Variants in MOXD1 observed in about 807,000 individuals in gnomAD.
MOXD1 encodes the protein DBH-like monooxygenase protein 1.
A neutral mutation model predicts 66.6 loss-of-function variants in MOXD1; 62 were observed. The ratio of observed to expected loss-of-function variants is 0.93; its 90% CI spans 0.76 to 1.15. The LOEUF is 1.15. MOXD1 is among the 50% of genes most tolerant of loss of function. The pLI is 0.00. For missense variants in MOXD1, 847 were observed against 754.6 expected (o/e 1.12, Z -1.44); for synonymous variants, 303 against 281.9 (o/e 1.07, Z -0.75).
At chr6:132,391,225 C>G (rs1776753997) in intron 1 of MOXD1, 1 of 149,232 alleles carries the variant, frequency 6.7e-6, no homozygotes, top group Non-Finnish European at 1.5e-5. Flanking sequence ...ATATTTAGCT[C>G]ATAAAAGAAA....
At chr6:132,384,399 T>G (rs1269970853) in intron 1 of MOXD1, among the ~76,000 whole-genome samples, 1 of 152,126 alleles carries the variant, frequency 6.6e-6, no homozygotes, top group Non-Finnish European at 1.5e-5. Flanking sequence ...TCAGACCTTA[T>G]GTAGGGTTGA....
rs1444477169 is a variant in MOXD1, at chr6:132,328,459, G to A, written c.799C>T (p.Leu267Phe). ...CYHPNMPDAF[L>F]TCETVIFAWA... Reference sequence around the variant, plus strand: ...GCAAAAATCACAGTTTCACAGGTGAGGAATGCATCGGGCATGTTGGGGTGA... The same window carrying A: ...GCAAAAATCACAGTTTCACAGGTGAAGAATGCATCGGGCATGTTGGGGTGA... Residue 267 changes from leucine (L) to phenylalanine (F), a missense_variant, in exon 5 of 12, where the codon CTC becomes TTC. Leu to Phe is a conservative substitution (Grantham distance 22). Transcript: ENST00000367963. 1.2e-6 allele frequency: 2 copies of A among 1,613,528 alleles called. No homozygotes were observed. The highest frequency in any genetic ancestry group is 1.3e-5 in the African/African-American group (1 of 75,002).
At chr6:132,360,265 A>G (rs2114640503) in intron 4 of MOXD1, among the ~76,000 whole-genome samples, 1 of 152,310 alleles carries the variant, frequency 6.6e-6, no homozygotes, top group South Asian at 2.1e-4. Flanking sequence ...TTTTAAATAG[A>G]TCATCTTCCC....
intron 4 of MOXD1, among the ~76,000 whole-genome samples, chr6:132,344,916 G>A (rs997930834): frequency 6.6e-6 from 1 of 152,090 alleles, no homozygotes; most frequent in Non-Finnish European, 1.5e-5. Context: ...AGTTGTCCAA[G>A]TAATCTCATT....
chr6:132,397,361 T>C (rs1776908747), intron 1 of MOXD1, among the ~76,000 whole-genome samples: 1 of 152,256 alleles, frequency 6.6e-6, no homozygotes, highest in East Asian at 1.9e-4. Context: ...CTGGACCCAT[T>C]TCCTGGCATA....
At chr6:132,364,338 A>C (rs111433961) in intron 4 of MOXD1, among the ~76,000 whole-genome samples, 4 of 152,186 alleles carry the variant, frequency 2.6e-5, no homozygotes, top group Non-Finnish European at 5.9e-5. Flanking sequence ...TGACTCCAAG[A>C]ATGAGAAAAC....
At chr6:132,306,586 G>A (rs1774693210) in intron 10 of MOXD1, among the ~76,000 whole-genome samples, 1 of 152,136 alleles carries the variant, frequency 6.6e-6, no homozygotes, top group Admixed American at 6.6e-5. Flanking sequence ...CAAAATGGAG[G>A]ACAAACTGTT....
intron 4 of MOXD1, among the ~76,000 whole-genome samples, chr6:132,349,293 C>T (rs2114620976): frequency 6.7e-6 from 1 of 149,632 alleles, no homozygotes. Context: ...ATCCAGGTTG[C>T]TACAAGTGCT....
chr6:132,340,925 C>A (rs571094832), intron 4 of MOXD1, among the ~76,000 whole-genome samples: 3 of 152,106 alleles, frequency 2.0e-5, no homozygotes, highest in Non-Finnish European at 2.9e-5. Context: ...GGATTACAGG[C>A]GTGAGCCACT....
At position 132,387,686 on chromosome 6, in the gene MOXD1, G is replaced by A. The variant is rs373693366; in HGVS notation, c.265-12909C>T. Among the ~76,000 whole-genome samples, 24 of 147,404 alleles carry A rather than the reference G, an allele frequency of 1.6e-4. 1 individual carries two copies. Among genetic ancestry groups the A allele is most frequent in the South Asian group, 4.5e-4 (2 of 4,442 alleles). ...GGAGAATCATTTTAACCTGGGGAAC[G>A]GAGGTTGTAGTGAGCCAAGATCGCG... On this transcript the variant is annotated intron_variant, in intron 1 of 11. Transcript: ENST00000367963.
chr6:132,401,331 G>A lies in MOXD1; in HGVS notation c.96C>T (p.Asp32=). 2 of 1,584,190 alleles carry A rather than the reference G, an allele frequency of 1.3e-6. No individual in the cohort carries two copies. Among genetic ancestry groups the A allele is most frequent in the Non-Finnish European group, 1.7e-6 (2 of 1,170,292 alleles). Residue 32 remains aspartate, a synonymous_variant, in exon 1 of 12, where the codon GAC becomes GAT. Coordinates refer to ENST00000367963, the MANE Select transcript of MOXD1 (RefSeq NM_015529.4). The part of the protein sequence containing the change: ...GRTYPHRTLL[D]SEGKYWLGWS... ...AGCCCAGCCAGTACTTGCCCTCCGAGTCCAGGAGGGTCCGGTGCGGATAGG... is the reference window on the plus strand; with the variant it reads ...AGCCCAGCCAGTACTTGCCCTCCGAATCCAGGAGGGTCCGGTGCGGATAGG...
rs1490733282 is a variant in MOXD1 at position 132,297,460 on chromosome 6, A to T, written c.1678-143T>A. The T allele has an allele frequency of 7.1e-6, 6 of 843,542 alleles. No individual in the cohort carries two copies. The East Asian group carries it at 1.5e-4, about 21-fold the overall frequency. The allele number at this position is 843,542 out of a possible 1,614,324, so 52.3% of individuals were successfully genotyped here. ...AGGAGTCACACACTGGGGGAGTCAG[A>T]AACCTAGGGTTAAGGAGGAAACAGA... On this transcript the variant is annotated intron_variant, in intron 11 of 11. Transcript: ENST00000367963.
At chr6:132,328,712 A>G (rs1260779492) in intron 4 of MOXD1, 118 bp from the exon 5 acceptor site, 4 of 966,818 alleles carry the variant, frequency 4.1e-6, no homozygotes, top group Non-Finnish European at 6.1e-6. Flanking sequence ...ATTCTTCTCA[A>G]TTATGTCAAG....
At chr6:132,398,935 C>CAAAAAAA (rs150318811) in intron 1 of MOXD1, among the ~76,000 whole-genome samples, 45 of 75,066 alleles carry the variant, frequency 6.0e-4, no homozygotes, top group Non-Finnish European at 8.4e-4. Flanking sequence ...GAGACTTTGT[C>CAAAAAAA]AAAAAAAAAA....
rs1484993324 is a variant in MOXD1, at chr6:132,297,273, A to G, written c.1722T>C (p.Tyr574=). Residue 574 remains tyrosine, a synonymous_variant, in exon 12 of 12, where the codon TAT becomes TAC. Transcript: ENST00000367963. ...TGCCACACACCAAAGGTTCTGCTTT[A>G]TAGGGTCTTTCTATATCTGGAGGTA... is the stretch of plus-strand genomic sequence containing the variant. ...TALPPDIERP[Y]KAEPLVCGTS... The G allele has an allele frequency of 3.1e-6, 5 of 1,613,426 alleles. No individual in the cohort carries two copies. The African/African-American group carries it at 4.0e-5, about 13-fold the overall frequency.
At chr6:132,339,264 A>G (rs2114604214) in intron 4 of MOXD1, among the ~76,000 whole-genome samples, 2 of 152,306 alleles carry the variant, frequency 1.3e-5, no homozygotes, top group Middle Eastern at 6.8e-3. Context: ...GTGTATGTTT[A>G]TATATAGTTT....
intron 10 of MOXD1, among the ~76,000 whole-genome samples, chr6:132,305,152 G>A (rs1774659151): frequency 6.6e-6 from 1 of 152,352 alleles, no homozygotes; most frequent in African/African-American, 2.4e-5. Context: ...CATCTCTATA[G>A]CTCCAGACTG....
chr6:132,352,051 T>A (rs1775812818), intron 4 of MOXD1, among the ~76,000 whole-genome samples: 1 of 152,176 alleles, frequency 6.6e-6, no homozygotes, highest in East Asian at 1.9e-4. Context: ...GTCTATCAAC[T>A]TTATTTATCT....
intron 4 of MOXD1, among the ~76,000 whole-genome samples, chr6:132,355,501 C>G (rs913871773): frequency 6.6e-6 from 1 of 152,174 alleles, no homozygotes; most frequent in African/African-American, 2.4e-5. Flanking sequence ...TAATCCCAAA[C>G]CAAGCCTCAA....
Sources: gnomAD v4.1 joint callset for allele counts (sites outside exome capture counted in the v4.1 genomes callset) on GRCh38, gnomAD v4.1.1 for gene constraint, MANE v1.5 for transcripts, NCBI Gene and HGNC (gene_info 2026-07-23, HGNC 2026-07-21) for gene names.